Variants in QTMAN observed in about 807,000 individuals in gnomAD.
QTMAN encodes the protein queuosine-tRNA mannosyltransferase, also known as tRNA-queuosine alpha-mannosyltransferase.
chr2:143,952,686 C>T, the QTMAN span: 1 of 964,032 alleles, frequency 1.0e-6, no homozygotes, highest in Admixed American at 1.9e-5. Flanking sequence ...ACAATTGCTC[C>T]TGCCTAAGTT....
chr2:144,326,206 A>G, the QTMAN span, among the ~76,000 whole-genome samples: 1 of 152,234 alleles, frequency 6.6e-6, no homozygotes, highest in Non-Finnish European at 1.5e-5. Context: ...AAGGCAACAT[A>G]GTGAAAATTA....
chr2:144,297,799 C>T, the QTMAN span, among the ~76,000 whole-genome samples: 10 of 151,240 alleles, frequency 6.6e-5, no homozygotes, highest in Non-Finnish European at 1.5e-4. Context: ...CCAGGATGGT[C>T]TCCATCTCCT....
chr2:144,233,496 T>C, the QTMAN span, among the ~76,000 whole-genome samples: 1 of 152,208 alleles, frequency 6.6e-6, no homozygotes, highest in African/African-American at 2.4e-5. Flanking sequence ...TAAGGCTGCC[T>C]GCCTTCCTTC....
the QTMAN span, among the ~76,000 whole-genome samples, chr2:144,211,919 G>A: frequency 1.3e-5 from 2 of 152,152 alleles, no homozygotes; most frequent in African/African-American, 4.8e-5. Flanking sequence ...AGACATTTTT[G>A]CACCACTAGC....
chr2:144,282,722 G>A, the QTMAN span, among the ~76,000 whole-genome samples: 131 of 152,154 alleles, frequency 8.6e-4, no homozygotes, highest in African/African-American at 3.0e-3. Context: ...TTTCCTGGGT[G>A]ATAGGAGCAT....
the QTMAN span, among the ~76,000 whole-genome samples, chr2:144,119,396 C>T: frequency 6.6e-6 from 1 of 152,158 alleles, no homozygotes; most frequent in Non-Finnish European, 1.5e-5. Flanking sequence ...ATGAAAATAC[C>T]TTCCTGCTCC....
the QTMAN span, among the ~76,000 whole-genome samples, chr2:144,106,376 A>T: frequency 5.9e-5 from 9 of 152,234 alleles, no homozygotes; most frequent in Non-Finnish European, 8.8e-5. Context: ...ACATGCAGAG[A>T]CACACATAGG....
At chr2:143,947,064 C>T in the QTMAN span, 1 of 1,612,584 alleles carries the variant, frequency 6.2e-7, no homozygotes, top group African/African-American at 1.3e-5. Context: ...ACAAATCTTC[C>T]CTAGGTTCTG....
chr2:144,111,477 G>A, the QTMAN span, among the ~76,000 whole-genome samples: 61,903 of 151,956 alleles, frequency 0.41, 13,566 homozygotes, highest in East Asian at 0.57. Context: ...TGGATCTTTT[G>A]AGACCCCTTT....
chr2:144,112,159 A>G, the QTMAN span, among the ~76,000 whole-genome samples: 2 of 152,230 alleles, frequency 1.3e-5, no homozygotes, highest in African/African-American at 4.8e-5. Context: ...TAGTTAAGCA[A>G]TTTAACAAAT....
chr2:144,194,039 A>T, the QTMAN span, among the ~76,000 whole-genome samples: 1 of 152,102 alleles, frequency 6.6e-6, no homozygotes. Flanking sequence ...TACGTTTTTT[A>T]AAAAGTATTA....
the QTMAN span, among the ~76,000 whole-genome samples, chr2:143,957,596 C>T: frequency 2.1e-4 from 32 of 152,106 alleles, no homozygotes; most frequent in African/African-American, 7.0e-4. Context: ...TCATAAAACT[C>T]GCTTAGCAGA....
chr2:144,239,547 A>C, the QTMAN span, among the ~76,000 whole-genome samples: 3 of 152,142 alleles, frequency 2.0e-5, no homozygotes, highest in Admixed American at 6.5e-5. Flanking sequence ...CTAAAGCTAC[A>C]ATCTCTCAAA....
At chr2:143,939,398 G>A in the QTMAN span, 1 of 152,156 alleles carries the variant, frequency 6.6e-6, no homozygotes, top group African/African-American at 2.4e-5. Flanking sequence ...AAGGAGAGCG[G>A]CAATAACTAG....
chr2:144,255,446 T>C, the QTMAN span, among the ~76,000 whole-genome samples: 1 of 152,186 alleles, frequency 6.6e-6, no homozygotes, highest in African/African-American at 2.4e-5. Context: ...GCCATGGTTG[T>C]TTTCCTGACG....
At chr2:144,119,529 G>C in the QTMAN span, among the ~76,000 whole-genome samples, 1 of 152,132 alleles carries the variant, frequency 6.6e-6, no homozygotes, top group South Asian at 2.1e-4. Context: ...ACATTACATG[G>C]TACAATGACC....
At chr2:144,103,595 G>A in the QTMAN span, among the ~76,000 whole-genome samples, 2 of 151,802 alleles carry the variant, frequency 1.3e-5, no homozygotes, top group African/African-American at 4.8e-5. Flanking sequence ...TTAGTTGTAA[G>A]GACATCATTA....
At chr2:144,060,827 T>C in the QTMAN span, among the ~76,000 whole-genome samples, 1 of 152,180 alleles carries the variant, frequency 6.6e-6, no homozygotes, top group Admixed American at 6.5e-5. Context: ...TAAACAGAAA[T>C]TAACAATTAC....
At chr2:144,104,507 T>G in the QTMAN span, among the ~76,000 whole-genome samples, 2 of 152,036 alleles carry the variant, frequency 1.3e-5, no homozygotes, top group African/African-American at 2.4e-5. Flanking sequence ...GCCTTGCTCA[T>G]TGCTAGCACA....
Sources: allele counts gnomAD v4.1 joint callset (sites outside exome capture counted in the v4.1 genomes callset), GRCh38; gene constraint gnomAD v4.1.1; transcripts MANE v1.5; gene names NCBI Gene and HGNC (gene_info 2026-07-23, HGNC 2026-07-21).